The following FBXL7 variants were observed in gnomAD, a reference collection of about 807,000 sequenced individuals.
The protein encoded by FBXL7 is F-box/LRR-repeat protein 7.
In FBXL7, 12 loss-of-function variants were observed where a neutral mutation model predicts 38.3. The ratio of observed to expected loss-of-function variants is 0.31; its 90% CI spans 0.20 to 0.51. The LOEUF is 0.51. Among genes scored for constraint, FBXL7 ranks in the 20% least tolerant of loss-of-function variants. The probability of loss-of-function intolerance (pLI) is 0.98; values close to 1 mark genes in which losing one functional copy is unlikely to be tolerated. For missense variants in FBXL7, 567 were observed against 676.4 expected, an observed-to-expected ratio of 0.84 and a Z score of 1.79; for synonymous variants, 297 against 300.9, an observed-to-expected ratio of 0.99 and a Z score of 0.13.
At chr5:15,536,450 A>G (rs1297136796) in intron 1 of FBXL7, among the ~76,000 whole-genome samples, 4 of 152,198 alleles carry the variant, frequency 2.6e-5, no homozygotes, top group Non-Finnish European at 4.4e-5. Flanking sequence ...GGAGATGCCT[A>G]AGGCCTTCAG....
intron 1 of FBXL7, among the ~76,000 whole-genome samples, chr5:15,565,218 C>T (rs1738532862): frequency 6.6e-6 from 1 of 152,034 alleles, no homozygotes; most frequent in East Asian, 1.9e-4. Flanking sequence ...TGTCAAGTCT[C>T]CATGAAGAAA....
chr5:15,590,345 A>G (rs1418159813), intron 1 of FBXL7, among the ~76,000 whole-genome samples: 1 of 151,916 alleles, frequency 6.6e-6, no homozygotes, highest in Non-Finnish European at 1.5e-5. Context: ...CGCTGCCTCT[A>G]CTTTTACTAC....
chr5:15,586,146 G>A lies in FBXL7; in HGVS notation c.38-29837G>A, dbSNP rs368288421. On this transcript the variant is annotated intron_variant, in intron 1 of 3. Coordinates refer to ENST00000504595, the MANE Select transcript of FBXL7 (RefSeq NM_012304.5). ...GTTTGCTCTACACAGAATCTGGGGG[G>A]TATTAAGATTGATGAGGGAATCAGA... Among the ~76,000 whole-genome samples, 78 of 152,162 alleles carry A rather than the reference G, an allele frequency of 5.1e-4. 2 individuals carry two copies. In the South Asian group the frequency reaches 0.015, roughly 30 times the overall value.
At chr5:15,575,705 TC>T (rs975433270) in intron 1 of FBXL7, among the ~76,000 whole-genome samples, 11 of 152,354 alleles carry the variant, frequency 7.2e-5, no homozygotes, top group African/African-American at 2.2e-4. Context: ...ATCTTATACT[TC>T]AACTATTTTC....
intron 2 of FBXL7, among the ~76,000 whole-genome samples, chr5:15,766,317 G>A (rs1029515537): frequency 6.6e-6 from 1 of 152,180 alleles, no homozygotes; most frequent in African/African-American, 2.4e-5. Flanking sequence ...ATTGAATGTA[G>A]TAGTGCTTTG....
At chr5:15,884,997 C>T (rs527469278) in intron 2 of FBXL7, among the ~76,000 whole-genome samples, 1 of 152,330 alleles carries the variant, frequency 6.6e-6, no homozygotes, top group Non-Finnish European at 1.5e-5. Flanking sequence ...GGGTGACTTA[C>T]AACAACAGCA....
intron 2 of FBXL7, among the ~76,000 whole-genome samples, chr5:15,690,063 C>T (rs558937547): frequency 3.3e-5 from 5 of 152,196 alleles, no homozygotes; most frequent in South Asian, 2.1e-4. Context: ...TTGTTGAGAA[C>T]CACTGGTGTA....
intron 2 of FBXL7, among the ~76,000 whole-genome samples, chr5:15,915,347 G>T (rs1439109792): frequency 6.6e-6 from 1 of 152,226 alleles, no homozygotes; most frequent in Non-Finnish European, 1.5e-5. Context: ...TGTTGACAGA[G>T]ATGTGGAGTA....
At chr5:15,836,219 T>C (rs1344659366) in intron 2 of FBXL7, among the ~76,000 whole-genome samples, 1 of 152,212 alleles carries the variant, frequency 6.6e-6, no homozygotes, top group African/African-American at 2.4e-5. Flanking sequence ...ATACTTATTG[T>C]ACACTTACTA....
intron 1 of FBXL7, among the ~76,000 whole-genome samples, chr5:15,588,715 G>A (rs1443305491): frequency 1.3e-5 from 2 of 152,128 alleles, no homozygotes; most frequent in African/African-American, 4.8e-5. Flanking sequence ...CTCATTAACA[G>A]GTTGTATGAA....
chr5:15,580,034 T>C (rs1346665779), intron 1 of FBXL7, among the ~76,000 whole-genome samples: 4 of 152,164 alleles, frequency 2.6e-5, no homozygotes, highest in Non-Finnish European at 5.9e-5. Flanking sequence ...CCCCAATTCA[T>C]GTGTTTAAGC....
In FBXL7 at chr5:15,583,843, C is replaced by A. The variant is rs72745656; in HGVS notation, c.38-32140C>A. On this transcript the variant is annotated intron_variant, in intron 1 of 3. Coordinates refer to ENST00000504595, the MANE Select transcript of FBXL7 (RefSeq NM_012304.5). ...TGGGGACTCTGTGTGGGGGTTCTGA[C>A]TCCACATTTTCTTCAGACTGCCCTA... Among the ~76,000 whole-genome samples the A allele has an allele frequency of 2.9e-3, 440 of 152,326 alleles. 1 individual carries two copies. Among genetic ancestry groups the A allele is most frequent in the Non-Finnish European group, 4.1e-3 (282 of 68,030 alleles).
intron 2 of FBXL7, among the ~76,000 whole-genome samples, chr5:15,810,169 A>T (rs1382452419): frequency 6.6e-6 from 1 of 152,066 alleles, no homozygotes; most frequent in Non-Finnish European, 1.5e-5. Flanking sequence ...TCTATTTCTT[A>T]TTTTTATTTT....
chr5:15,616,081 C>CTGG lies in FBXL7; in HGVS notation c.127+11_127+13dup. On this transcript the variant is annotated intron_variant, in intron 2 of 3. Coordinates refer to ENST00000504595, the MANE Select transcript of FBXL7 (RefSeq NM_012304.5). ...TGTGGCTACCAGCGAAGGTAGGCAGCTGGTCTTCATTATCTCTCTTTCTTC... is the reference window on the plus strand; with the variant it reads ...TGTGGCTACCAGCGAAGGTAGGCAGCTGGTGGTCTTCATTATCTCTCTTTCTTC... The CTGG allele has an allele frequency of 6.3e-7, 1 of 1,597,388 alleles. No individual in the cohort carries two copies. Among genetic ancestry groups the CTGG allele is most frequent in the Non-Finnish European group, 8.6e-7 (1 of 1,166,442 alleles).
At chr5:15,828,331 T>C (rs1024777587) in intron 2 of FBXL7, among the ~76,000 whole-genome samples, 2 of 152,198 alleles carry the variant, frequency 1.3e-5, no homozygotes, top group South Asian at 4.1e-4. Flanking sequence ...GAAAATGACA[T>C]AGTATTTCTT....
At chr5:15,628,045 G>A (rs1009218952) in intron 2 of FBXL7, among the ~76,000 whole-genome samples, 1 of 152,158 alleles carries the variant, frequency 6.6e-6, no homozygotes, top group African/African-American at 2.4e-5. Context: ...TAAAAATTGT[G>A]TGTAAATCAT....
chr5:15,509,652 T>G (rs1461989102), intron 1 of FBXL7, among the ~76,000 whole-genome samples: 2 of 152,016 alleles, frequency 1.3e-5, no homozygotes, highest in African/African-American at 2.4e-5. Context: ...GGAAGTAGAG[T>G]GTAGGCTCTT....
intron 2 of FBXL7, among the ~76,000 whole-genome samples, chr5:15,841,129 CT>C (rs954042882): frequency 6.6e-6 from 1 of 151,968 alleles, no homozygotes; most frequent in Non-Finnish European, 1.5e-5. Context: ...TAACTTTGCT[CT>C]TTTTTTCCCA....
intron 1 of FBXL7, among the ~76,000 whole-genome samples, chr5:15,531,398 T>C (rs943444342): frequency 6.6e-6 from 1 of 152,202 alleles, no homozygotes; most frequent in African/African-American, 2.4e-5. Context: ...AAAAAGATCA[T>C]TATGTGTAAT....
Sources: gnomAD v4.1 joint callset for allele counts (sites outside exome capture counted in the v4.1 genomes callset) on GRCh38, gnomAD v4.1.1 for gene constraint, MANE v1.5 for transcripts, NCBI Gene and HGNC (gene_info 2026-07-23, HGNC 2026-07-21) for gene names.